SEMA5A: variants seen among roughly 807,000 people sequenced by gnomAD.
The protein encoded by SEMA5A is semaphorin 5A.
In SEMA5A, 55 loss-of-function variants were observed where a neutral mutation model predicts 135.5. The observed-to-expected ratio is 0.41, with a 90% CI of 0.33 to 0.51. SEMA5A has a LOEUF of 0.51. Ranked by LOEUF, SEMA5A falls within the 20% of genes least tolerant of loss-of-function variation. SEMA5A has a pLI of 0.37. For synonymous variants in SEMA5A, 580 were observed against 546.5 expected, an observed-to-expected ratio of 1.06 and a Z score of -0.85; for missense variants, 1,290 against 1,419.9, an observed-to-expected ratio of 0.91 and a Z score of 1.47.
intron 6 of SEMA5A, among the ~76,000 whole-genome samples, chr5:9,234,978 A>G (rs1328009864): frequency 1.3e-5 from 2 of 152,200 alleles, no homozygotes; most frequent in African/African-American, 2.4e-5. Context: ...CTAAGCACCA[A>G]ACAACCAATG....
intron 2 of SEMA5A, among the ~76,000 whole-genome samples, chr5:9,386,655 T>A (rs572949609): frequency 6.6e-6 from 1 of 152,318 alleles, no homozygotes; most frequent in African/African-American, 2.4e-5. Context: ...GAAACCCAGA[T>A]GGGACATTAG....
chr5:9,218,630 A>T (rs1333862450), intron 8 of SEMA5A, among the ~76,000 whole-genome samples: 1 of 152,134 alleles, frequency 6.6e-6, no homozygotes, highest in Non-Finnish European at 1.5e-5. Context: ...TCAACACAAA[A>T]ATGTTGCAAA....
chr5:9,156,480 G>T (rs1035752850), intron 11 of SEMA5A, among the ~76,000 whole-genome samples: 3 of 152,176 alleles, frequency 2.0e-5, no homozygotes, highest in African/African-American at 7.2e-5. Context: ...GCAGTGATGG[G>T]CATAGAGCCT....
intron 1 of SEMA5A, among the ~76,000 whole-genome samples, chr5:9,439,378 C>G (rs1758150562): frequency 6.6e-6 from 1 of 152,224 alleles, no homozygotes; most frequent in Non-Finnish European, 1.5e-5. Context: ...GTCCTAAAAT[C>G]TATTTTACAA....
intron 16 of SEMA5A, among the ~76,000 whole-genome samples, chr5:9,074,372 A>G (rs1013398409): frequency 6.6e-6 from 1 of 152,332 alleles, no homozygotes; most frequent in Admixed American, 6.5e-5. Context: ...CCCAATATCT[A>G]AAACCAAAGA....
intron 2 of SEMA5A, among the ~76,000 whole-genome samples, chr5:9,419,293 G>C (rs1431084390): frequency 6.6e-6 from 1 of 152,168 alleles, no homozygotes; most frequent in Non-Finnish European, 1.5e-5. Flanking sequence ...CAAGCATGTG[G>C]TCGATCTTAG....
intron 16 of SEMA5A, among the ~76,000 whole-genome samples, chr5:9,093,089 A>C (rs561838970): frequency 6.6e-6 from 1 of 152,174 alleles, no homozygotes; most frequent in Non-Finnish European, 1.5e-5. Flanking sequence ...TAAACTTAAA[A>C]TTGAGTTTTT....
chr5:9,088,649 TATATATATATACAC>T (rs1240512858), intron 16 of SEMA5A, among the ~76,000 whole-genome samples: 1 of 111,304 alleles, frequency 9.0e-6, no homozygotes, highest in South Asian at 2.8e-4. Flanking sequence ...TATATATATA[TATATATATATACAC>T]ACACACACTC....
intron 16 of SEMA5A, among the ~76,000 whole-genome samples, chr5:9,072,591 A>G (rs1210198208): frequency 6.6e-6 from 1 of 152,200 alleles, no homozygotes; most frequent in African/African-American, 2.4e-5. Flanking sequence ...AGCAAAACCA[A>G]AAGACCTCAT....
chr5:9,390,855 T>G (rs1190410560), intron 2 of SEMA5A: 1 of 152,234 alleles, frequency 6.6e-6, no homozygotes, highest in African/African-American at 2.4e-5. Flanking sequence ...AAGTAGGTTA[T>G]GTACACTACT....
intron 19 of SEMA5A, 25 bp downstream of exon 19, chr5:9,054,062 G>A: frequency 6.3e-7 from 1 of 1,586,690 alleles, no homozygotes; most frequent in Non-Finnish European, 8.6e-7. Flanking sequence ...TCTGAAAGCT[G>A]TGCAGTAGGT....
chr5:9,471,341 G>A (rs1759470620), intron 1 of SEMA5A, among the ~76,000 whole-genome samples: 2 of 152,150 alleles, frequency 1.3e-5, no homozygotes, highest in South Asian at 2.1e-4. Flanking sequence ...AGAGGAACGA[G>A]GCAAAGGAAA....
intron 2 of SEMA5A, among the ~76,000 whole-genome samples, chr5:9,428,705 A>G (rs1468328611): frequency 6.6e-6 from 1 of 152,202 alleles, no homozygotes; most frequent in Non-Finnish European, 1.5e-5. Context: ...CAATATGGGG[A>G]CAGTCTATAA....
In SEMA5A at chr5:9,063,076, T is replaced by C. The variant is rs759760291; in HGVS notation, c.2329A>G (p.Arg777Gly). The change falls in exon 18 of 23, where the codon AGA becomes GGA. Residue 777 changes from arginine to glycine, a missense_variant. Physicochemically the swap from Arg to Gly is moderately radical, Grantham distance 125 (BLOSUM62 -2). Transcript: ENST00000382496. ...CCGTTGACCGTGTGGGCAGAGTATC[T>C]CCCAGCACGCAGGAAATCCCCAGAA... ...GLSGDFLRAG[R>G]YSAHTVNGAW... 1.2e-6 allele frequency: 2 copies of C among 1,613,930 alleles called. No homozygotes were observed. The highest frequency in any genetic ancestry group is 2.2e-5 in the South Asian group (2 of 91,012).
chr5:9,384,653 T>C (rs1276760068), intron 2 of SEMA5A, among the ~76,000 whole-genome samples: 1 of 130,628 alleles, frequency 7.7e-6, no homozygotes, highest in East Asian at 2.3e-4. Context: ...GATAGATAGA[T>C]AGATAGATAT....
intron 3 of SEMA5A, among the ~76,000 whole-genome samples, chr5:9,355,432 AT>A (rs778648993): frequency 3.3e-5 from 5 of 152,338 alleles, no homozygotes; most frequent in Non-Finnish European, 7.3e-5. Flanking sequence ...TATGGGAAGC[AT>A]TTTGAACTAA....
intron 16 of SEMA5A, among the ~76,000 whole-genome samples, chr5:9,071,852 A>T (rs1288226080): frequency 6.6e-6 from 1 of 152,324 alleles, no homozygotes; most frequent in East Asian, 1.9e-4. Flanking sequence ...GCCTGCTGAG[A>T]CTGAAAGCAA....
At chr5:9,102,434 T>C (rs1739680864) in intron 16 of SEMA5A, among the ~76,000 whole-genome samples, 1 of 152,188 alleles carries the variant, frequency 6.6e-6, no homozygotes, top group African/African-American at 2.4e-5. Context: ...GCTGCTCACC[T>C]GATACCAGCC....
At chr5:9,051,802 A>C in intron 20 of SEMA5A, 71 bp downstream of exon 20, 2 of 1,586,356 alleles carry the variant, frequency 1.3e-6, no homozygotes, top group Non-Finnish European at 1.7e-6. Context: ...TAAAACTCTG[A>C]CCTATGAATC....
Sources: gnomAD v4.1 joint callset for allele counts (sites outside exome capture counted in the v4.1 genomes callset) on GRCh38, gnomAD v4.1.1 for gene constraint, MANE v1.5 for transcripts, NCBI Gene and HGNC (gene_info 2026-07-23, HGNC 2026-07-21) for gene names.